The following MYT1L variants were observed in gnomAD, a reference collection of about 807,000 sequenced individuals.
MYT1L encodes myelin transcription factor 1 like.
MYT1L carries 12 observed loss-of-function variants against 126.7 expected under a neutral mutation model. The observed-to-expected ratio is 0.09, with a 90% CI of 0.06 to 0.15. The LOEUF (loss-of-function observed/expected upper bound fraction) is 0.15, where lower values mean the gene tolerates loss of function less well. MYT1L is among the 10% of genes least tolerant of loss of function. The probability of loss-of-function intolerance (pLI) is 1.00; values close to 1 mark genes in which losing one functional copy is unlikely to be tolerated. For synonymous variants in MYT1L, 541 were observed against 604.2 expected, an observed-to-expected ratio of 0.90 and a Z score of 1.53; for missense variants, 979 against 1,585.2, an observed-to-expected ratio of 0.62 and a Z score of 6.49.
At chr2:1,846,017 A>G (rs1158174472) in intron 19 of MYT1L, among the ~76,000 whole-genome samples, 1 of 152,102 alleles carries the variant, frequency 6.6e-6, no homozygotes, top group Non-Finnish European at 1.5e-5. Flanking sequence ...TTCAGACATG[A>G]CTTACTCATT....
intron 2 of MYT1L, among the ~76,000 whole-genome samples, chr2:2,227,451 G>C (rs2094039795): frequency 6.6e-6 from 1 of 152,108 alleles, no homozygotes; most frequent in African/African-American, 2.4e-5. Context: ...AACCAGAAAG[G>C]TGTTTGACTG....
At chr2:1,974,099 G>A (rs543409536) in intron 8 of MYT1L, among the ~76,000 whole-genome samples, 114 of 152,300 alleles carry the variant, frequency 7.5e-4, no homozygotes, top group African/African-American at 2.5e-3. Context: ...GCCACACCAG[G>A]CTGACTTGCA....
At chr2:2,211,134 A>G (rs2093490296) in intron 2 of MYT1L, among the ~76,000 whole-genome samples, 1 of 152,156 alleles carries the variant, frequency 6.6e-6, no homozygotes, top group African/African-American at 2.4e-5. Flanking sequence ...AAGTCTTTAG[A>G]TTTTTCCAAA....
chr2:2,020,050 G>A (rs1339273423), intron 4 of MYT1L, among the ~76,000 whole-genome samples: 1 of 152,026 alleles, frequency 6.6e-6, no homozygotes, highest in Admixed American at 6.6e-5. Context: ...TCACCATGTT[G>A]TCTAGGCTGC....
Position 1,922,228 on chromosome 2 carries a change from C to T in MYT1L, c.1483+58G>A. 6.3e-7 allele frequency: 1 copy of T among 1,575,060 alleles called. No homozygotes were observed. Among genetic ancestry groups the T allele is most frequent in the South Asian group, 1.2e-5 (1 of 83,712 alleles). On this transcript the variant is annotated intron_variant, in intron 10 of 24. Transcript: ENST00000647738. The surrounding 1 kb of genome is among the most constrained non-coding windows in gnomAD (Gnocchi z 7.4). ...CACTTTAACTGTAGACTACCACCAA[C>T]ATCCTTTACCCTAGCTCATGTTTTC...
intron 14 of MYT1L, among the ~76,000 whole-genome samples, chr2:1,899,534 G>T (rs1270532110): frequency 1.3e-5 from 2 of 152,138 alleles, no homozygotes; most frequent in Non-Finnish European, 2.9e-5. Flanking sequence ...AGCCTGCGTG[G>T]ATTTCTATTT....
At chr2:2,089,960 C>A (rs550071691) in intron 3 of MYT1L, among the ~76,000 whole-genome samples, 1 of 152,182 alleles carries the variant, frequency 6.6e-6, no homozygotes. Flanking sequence ...CACAGCAGTT[C>A]CTGTCCTTCA....
intron 2 of MYT1L, among the ~76,000 whole-genome samples, chr2:2,185,963 C>G (rs1179266903): frequency 1.8e-5 from 2 of 110,596 alleles, no homozygotes; most frequent in Non-Finnish European, 3.5e-5. Flanking sequence ...GCCTCCCAGA[C>G]GTCCGCGTTC....
Position 1,853,637 on chromosome 2 carries a change from T to A in MYT1L, c.2712-1934A>T, listed in dbSNP as rs530571850. Among the ~76,000 whole-genome samples, 386 of 152,276 alleles carry A rather than the reference T, an allele frequency of 2.5e-3. 3 individuals carry two copies. The highest frequency in any genetic ancestry group is 2.9e-3 in the Non-Finnish European group (196 of 68,016). Reference sequence around the variant, plus strand: ...AAAAATGTATCAAGAAACAAATTTTTCCTACCAGCCACCAATACATACTTG... The same window carrying A: ...AAAAATGTATCAAGAAACAAATTTTACCTACCAGCCACCAATACATACTTG... On this transcript the variant is annotated intron_variant, in intron 18 of 24. Coordinates refer to ENST00000647738, the MANE Select transcript of MYT1L (RefSeq NM_001303052.2).
rs1190197301 is a variant in MYT1L, at chr2:2,076,822, ACG to A, written c.-303-22701_-303-22700del. Among the ~76,000 whole-genome samples the A allele has an allele frequency of 1.3e-3, 177 of 141,462 alleles. 3 individuals carry two copies. In the East Asian group the frequency reaches 0.023, roughly 18 times the overall value. 92.8% of individuals were successfully genotyped at this position (141,462 alleles called of 152,430 possible). A position where few individuals can be genotyped will look rare whatever the true frequency, so the allele number is the denominator to read the frequency against. ...ACAGGAAAGTATGACACACACACAC[ACG>A]AGAGAAAAAAGTTAACTGAAAATGT... is the stretch of plus-strand genomic sequence containing the variant. On this transcript the variant is annotated intron_variant, in intron 3 of 24. Coordinates refer to ENST00000647738, the MANE Select transcript of MYT1L (RefSeq NM_001303052.2).
chr2:2,176,246 A>G (rs2090754192), intron 2 of MYT1L, among the ~76,000 whole-genome samples: 1 of 151,966 alleles, frequency 6.6e-6, no homozygotes, highest in Non-Finnish European at 1.5e-5. Flanking sequence ...GGGACATCTT[A>G]ATAAGAAAAA....
chr2:2,075,931 G>C (rs1384564293), intron 3 of MYT1L, among the ~76,000 whole-genome samples: 1 of 152,228 alleles, frequency 6.6e-6, no homozygotes, highest in Non-Finnish European at 1.5e-5. Flanking sequence ...TGAAAACAAG[G>C]AAAAGAATTG....
chr2:1,905,014 T>C (rs1466058208), intron 13 of MYT1L, among the ~76,000 whole-genome samples: 1 of 151,966 alleles, frequency 6.6e-6, no homozygotes, highest in Non-Finnish European at 1.5e-5. Context: ...GCCATGATGG[T>C]CTCGATCTCC....
chr2:1,857,228 TCTAAAGGGAGAA>T (rs1296118865), intron 18 of MYT1L, among the ~76,000 whole-genome samples: 1 of 152,190 alleles, frequency 6.6e-6, no homozygotes, highest in African/African-American at 2.4e-5. Flanking sequence ...TCCAAATCAG[TCTAAAGGGAGAA>T]CTACCTGGAA....
intron 8 of MYT1L, among the ~76,000 whole-genome samples, chr2:1,958,703 C>T (rs953478236): frequency 7.9e-5 from 12 of 152,292 alleles, no homozygotes; most frequent in South Asian, 2.1e-4. Context: ...GGGGCTCAGC[C>T]GGCCCACCCG....
At chr2:1,990,640 C>T (rs901700855) in intron 5 of MYT1L, among the ~76,000 whole-genome samples, 6 of 152,290 alleles carry the variant, frequency 3.9e-5, no homozygotes, top group Middle Eastern at 3.4e-3. Context: ...CTCGATGACA[C>T]ATGTGGGCAA....
At chr2:1,965,633 G>C (rs2059291354) in intron 8 of MYT1L, among the ~76,000 whole-genome samples, 1 of 152,254 alleles carries the variant, frequency 6.6e-6, no homozygotes, top group Admixed American at 6.5e-5. Context: ...CGGGAAGCCA[G>C]AGAAGAGAGT....
intron 2 of MYT1L, among the ~76,000 whole-genome samples, chr2:2,227,119 G>T (rs1007763544): frequency 1.3e-5 from 2 of 152,096 alleles, no homozygotes. Flanking sequence ...CCCTGGGGAT[G>T]CGCTGTCCCG....
intron 9 of MYT1L, among the ~76,000 whole-genome samples, chr2:1,937,467 A>G (rs1211616888): frequency 6.6e-6 from 1 of 151,982 alleles, no homozygotes; most frequent in Non-Finnish European, 1.5e-5. Flanking sequence ...CGCAGCCATC[A>G]GATCGTACGT....
Sources: allele counts gnomAD v4.1 joint callset (sites outside exome capture counted in the v4.1 genomes callset), GRCh38; gene constraint gnomAD v4.1.1; non-coding constraint Gnocchi (gnomAD v3.1); transcripts MANE v1.5; gene names NCBI Gene and HGNC (gene_info 2026-07-23, HGNC 2026-07-21).